SLC35F3: variants seen among roughly 807,000 people sequenced by gnomAD.
SLC35F3 encodes the protein putative thiamine transporter SLC35F3.
A neutral mutation model predicts 49.9 loss-of-function variants in SLC35F3; 25 were observed. The ratio of observed to expected loss-of-function variants is 0.50; its 90% CI spans 0.37 to 0.70. SLC35F3 has a LOEUF of 0.70. Ranked by LOEUF, SLC35F3 falls within the 30% of genes least tolerant of loss-of-function variation. The probability of loss-of-function intolerance (pLI) is 0.00; values close to 1 mark genes in which losing one functional copy is unlikely to be tolerated. For synonymous variants in SLC35F3, 275 were observed against 265.4 expected (o/e 1.04, Z -0.35); for missense variants, 525 against 639.8 (o/e 0.82, Z 1.94).
At chr1:234,067,546 A>G (rs1253861831) in intron 2 of SLC35F3, among the ~76,000 whole-genome samples, 1 of 152,184 alleles carries the variant, frequency 6.6e-6, no homozygotes, top group Non-Finnish European at 1.5e-5. Context: ...CTAAGAAGCA[A>G]CTTTTGAGCC....
intron 2 of SLC35F3, among the ~76,000 whole-genome samples, chr1:234,081,904 ATTTTT>A (rs781469880): frequency 2.4e-3 from 94 of 39,218 alleles, no homozygotes; most frequent in South Asian, 7.2e-3. Flanking sequence ...TGCCTGGCTA[ATTTTT>A]TTTTTTTTTT....
chr1:233,948,059 A>C (rs961232717), intron 2 of SLC35F3, among the ~76,000 whole-genome samples: 1 of 150,512 alleles, frequency 6.6e-6, no homozygotes, highest in East Asian at 2.0e-4. Context: ...GGCTGGAAAC[A>C]GGTGGAAAAT....
intron 2 of SLC35F3, among the ~76,000 whole-genome samples, chr1:234,191,886 C>A (rs1666735497): frequency 6.6e-6 from 1 of 151,972 alleles, no homozygotes; most frequent in East Asian, 1.9e-4. Context: ...AAATATACAA[C>A]CCTCCTAGAT....
rs1663347588 is a variant in SLC35F3, at chr1:233,991,016, G to GC, written c.283+85262dup. The stretch of plus-strand genomic sequence containing the variant: ...AAGTGAGCATTGTGAACTCTCCAAG[G>GC]CCCCTCTTTTATTAAAATGATGTTC... On this transcript the variant is annotated intron_variant, in intron 2 of 7. Coordinates refer to ENST00000366618, the MANE Select transcript of SLC35F3 (RefSeq NM_173508.4). Among the ~76,000 whole-genome samples the GC allele has an allele frequency of 2.0e-5, 3 of 152,228 alleles. No individual in the cohort carries two copies. The South Asian group carries it at 6.2e-4, about 32-fold the overall frequency.
intron 2 of SLC35F3, among the ~76,000 whole-genome samples, chr1:234,067,485 G>T (rs1416047262): frequency 6.6e-6 from 1 of 152,176 alleles, no homozygotes; most frequent in Non-Finnish European, 1.5e-5. Flanking sequence ...CCGCATCCGT[G>T]AGTGGTCTTC....
At chr1:233,981,636 TTGTG>T (rs1194243321) in intron 2 of SLC35F3, among the ~76,000 whole-genome samples, 1 of 152,066 alleles carries the variant, frequency 6.6e-6, no homozygotes, top group Non-Finnish European at 1.5e-5. Flanking sequence ...GTACAGGTCT[TTGTG>T]TGGACAGAAT....
intron 2 of SLC35F3, among the ~76,000 whole-genome samples, chr1:234,121,670 C>T (rs978766063): frequency 8.6e-5 from 13 of 151,926 alleles, no homozygotes; most frequent in Non-Finnish European, 1.3e-4. Flanking sequence ...CCCATTAACT[C>T]GTCATTTACA....
chr1:234,131,432 C>T (rs1261677535), intron 2 of SLC35F3, among the ~76,000 whole-genome samples: 1 of 152,150 alleles, frequency 6.6e-6, no homozygotes, highest in Non-Finnish European at 1.5e-5. Context: ...ACTCATGAGC[C>T]CCTCACCCAG....
intron 2 of SLC35F3, among the ~76,000 whole-genome samples, chr1:234,211,358 C>T (rs1390707384): frequency 6.6e-6 from 1 of 152,214 alleles, no homozygotes; most frequent in Non-Finnish European, 1.5e-5. Flanking sequence ...GTCCTCCAGA[C>T]CCCAGAATGG....
intron 2 of SLC35F3, among the ~76,000 whole-genome samples, chr1:234,015,989 C>T (rs938967740): frequency 1.3e-5 from 2 of 152,170 alleles, no homozygotes; most frequent in African/African-American, 4.8e-5. Context: ...GGACAAAGAA[C>T]TTGAATAGAC....
At chr1:233,905,227 C>A in intron 1 of SLC35F3, 97 bp downstream of exon 1, 1 of 1,357,500 alleles carries the variant, frequency 7.4e-7, no homozygotes, top group Non-Finnish European at 1.0e-6. Context: ...CAGTCTGAGG[C>A]TCGGGGAAGG....
intron 2 of SLC35F3, among the ~76,000 whole-genome samples, chr1:233,915,970 G>A (rs530473598): frequency 3.3e-5 from 5 of 152,320 alleles, no homozygotes; most frequent in African/African-American, 1.2e-4. Flanking sequence ...AGATCAGTAG[G>A]TATGGGACAG....
intron 3 of SLC35F3, among the ~76,000 whole-genome samples, chr1:234,244,052 T>C (rs1048302298): frequency 6.6e-6 from 1 of 152,162 alleles, no homozygotes. Flanking sequence ...TAAACTTCTG[T>C]GTGCCAAGCC....
At position 234,046,339 on chromosome 1, in the gene SLC35F3, CT is replaced by C. The variant is rs1664291857; in HGVS notation, c.283+140586del. On this transcript the variant is annotated intron_variant, in intron 2 of 7. Transcript: ENST00000366618. This position sits in a 1 kb window ranked among gnomAD's most constrained non-coding sequence, Gnocchi z 4.4. ...CTAATGCTTATGAAGTGGATGGTAT[CT>C]TTTTATGGTTTTATTGAGTAATTTT... Among the ~76,000 whole-genome samples the C allele has an allele frequency of 6.6e-6, 1 of 152,108 alleles. No homozygotes were observed. Among genetic ancestry groups the C allele is most frequent in the South Asian group, 2.1e-4 (1 of 4,838 alleles).
intron 3 of SLC35F3, among the ~76,000 whole-genome samples, chr1:234,267,439 T>C (rs1668003704): frequency 7.0e-6 from 1 of 142,152 alleles, no homozygotes; most frequent in Non-Finnish European, 1.5e-5. Flanking sequence ...GGCTCCTCAC[T>C]TCCCAGTAGG....
intron 2 of SLC35F3, among the ~76,000 whole-genome samples, chr1:234,085,475 T>C (rs1664947125): frequency 1.3e-5 from 2 of 152,242 alleles, no homozygotes; most frequent in South Asian, 4.1e-4. Context: ...TGTGCTATGA[T>C]CCTTATTTCC....
At chr1:233,935,368 A>G (rs930909787) in intron 2 of SLC35F3, among the ~76,000 whole-genome samples, 1 of 151,886 alleles carries the variant, frequency 6.6e-6, no homozygotes, top group African/African-American at 2.4e-5. Flanking sequence ...CTGGGAATTG[A>G]TTTAGGTTTG....
chr1:234,160,377 C>G (rs1309586061), intron 2 of SLC35F3, among the ~76,000 whole-genome samples: 1 of 152,208 alleles, frequency 6.6e-6, no homozygotes, highest in African/African-American at 2.4e-5. Flanking sequence ...GGAGACAAGG[C>G]TGTTCCAGTC....
chr1:233,926,854 T>A (rs1430585763), intron 2 of SLC35F3, among the ~76,000 whole-genome samples: 1 of 152,176 alleles, frequency 6.6e-6, no homozygotes. Context: ...TTGATGCTAT[T>A]CCTTTCTGCT....
Sources: allele counts gnomAD v4.1 joint callset (sites outside exome capture counted in the v4.1 genomes callset), GRCh38; gene constraint gnomAD v4.1.1; non-coding constraint Gnocchi (gnomAD v3.1); transcripts MANE v1.5; gene names NCBI Gene and HGNC (gene_info 2026-07-23, HGNC 2026-07-21).